The following HGD variants were observed in gnomAD, a reference collection of about 807,000 sequenced individuals.
The protein encoded by HGD is homogentisate 1,2-dioxygenase.
In HGD, 61 loss-of-function variants were observed where a neutral mutation model predicts 60.8. The ratio of observed to expected loss-of-function variants is 1.00; its 90% confidence interval spans 0.82 to 1.24. The LOEUF is 1.24. Among genes scored for constraint, HGD ranks in the 50% most tolerant of loss-of-function variants. The pLI is 0.00. For missense variants in HGD, 542 were observed against 547.1 expected (o/e 0.99, Z 0.09); for synonymous variants, 212 against 187.7 (o/e 1.13, Z -1.06).
intron 12 of HGD, among the ~76,000 whole-genome samples, chr3:120,635,370 A>G (rs988597389): frequency 1.3e-5 from 2 of 150,760 alleles, no homozygotes; most frequent in Non-Finnish European, 3.0e-5. Context: ...CCAGCTACTC[A>G]GGAGGCTGAG....
intron 4 of HGD, among the ~76,000 whole-genome samples, chr3:120,659,411 C>A (rs1941593466): frequency 6.6e-6 from 1 of 152,166 alleles, no homozygotes; most frequent in Non-Finnish European, 1.5e-5. Context: ...GTTCAGAGTT[C>A]CACAGATCCC....
intron 12 of HGD, among the ~76,000 whole-genome samples, chr3:120,635,182 T>G (rs973284401): frequency 1.3e-5 from 2 of 152,088 alleles, no homozygotes; most frequent in African/African-American, 4.8e-5. Context: ...CCTTTCTGAT[T>G]AAAGCTGAAT....
At chr3:120,638,171 T>C (rs146070673) in intron 12 of HGD, among the ~76,000 whole-genome samples, 143 of 152,350 alleles carry the variant, frequency 9.4e-4, no homozygotes, top group African/African-American at 3.4e-3. Flanking sequence ...AGCACCATGC[T>C]GCTTGTACAG....
At chr3:120,678,391 G>A (rs867423285) in intron 1 of HGD, among the ~76,000 whole-genome samples, 3 of 152,178 alleles carry the variant, frequency 2.0e-5, no homozygotes, top group East Asian at 3.9e-4. Context: ...TTCAACTGCC[G>A]CATTGTTTCT....
intron 13 of HGD, among the ~76,000 whole-genome samples, chr3:120,631,464 C>T (rs1940589642): frequency 6.6e-6 from 1 of 151,442 alleles, no homozygotes; most frequent in Admixed American, 6.6e-5. Context: ...ATCTCATGTA[C>T]CCCATAAATA....
chr3:120,632,711 C>T (rs1576284065), intron 13 of HGD, among the ~76,000 whole-genome samples: 5 of 152,158 alleles, frequency 3.3e-5, no homozygotes, highest in Admixed American at 3.3e-4. Flanking sequence ...ATGCCCAGGG[C>T]TGCATAAGGA....
intron 4 of HGD, among the ~76,000 whole-genome samples, chr3:120,661,551 T>A (rs183567081): frequency 2.0e-5 from 3 of 152,258 alleles, no homozygotes; most frequent in Admixed American, 2.0e-4. Context: ...GCAAATAACT[T>A]TGGAAGAGAA....
chr3:120,672,507 G>C (rs1314421804), intron 3 of HGD, among the ~76,000 whole-genome samples: 1 of 152,166 alleles, frequency 6.6e-6, no homozygotes, highest in Non-Finnish European at 1.5e-5. Flanking sequence ...TCAGTGAGTT[G>C]AGTTGGCCTG....
Position 120,663,253 on chromosome 3 carries a change from C to T in HGD, c.282+7174G>A, listed in dbSNP as rs185277263. Reference sequence around the variant, plus strand: ...GGAAGAGAGAGAGTAAGTACTTCCCCTTCTCTCAGAGGGGAGATGATGACA... The same window carrying T: ...GGAAGAGAGAGAGTAAGTACTTCCCTTTCTCTCAGAGGGGAGATGATGACA... On this transcript the variant is annotated intron_variant, in intron 4 of 13. Transcript: ENST00000283871. 4.7e-4 allele frequency among the ~76,000 whole-genome samples: 72 copies of T among 152,208 alleles called. No homozygotes were observed. In the East Asian group the frequency reaches 0.013, roughly 29 times the overall value.
chr3:120,670,206 T>C, intron 4 of HGD: 1 of 577,312 alleles, frequency 1.7e-6, no homozygotes, highest in South Asian at 2.1e-5. Flanking sequence ...TAAAAATATG[T>C]CCTTTATAAA....
chr3:120,645,062 C>T (rs1941118081), intron 9 of HGD, among the ~76,000 whole-genome samples: 1 of 152,172 alleles, frequency 6.6e-6, no homozygotes, highest in Admixed American at 6.5e-5. Context: ...AACTTAAGTG[C>T]AAAAACAGTT....
chr3:120,653,353 T>C (rs1031734776), intron 4 of HGD, among the ~76,000 whole-genome samples: 6 of 152,196 alleles, frequency 3.9e-5, no homozygotes, highest in Admixed American at 3.3e-4. Flanking sequence ...ATTAATCAAC[T>C]TGGCAGCAGG....
intron 13 of HGD, 53 bp downstream of exon 13, chr3:120,633,094 A>T: frequency 6.5e-7 from 1 of 1,530,188 alleles, no homozygotes; most frequent in Admixed American, 1.7e-5. Context: ...CACCCCTCTC[A>T]GTAAGGGTGG....
intron 12 of HGD, among the ~76,000 whole-genome samples, chr3:120,637,991 T>A (rs991441316): frequency 1.3e-5 from 2 of 152,198 alleles, no homozygotes; most frequent in Non-Finnish European, 2.9e-5. Context: ...GGTGCCATCA[T>A]GACGGTTATG....
At chr3:120,681,518 C>T (rs777960915) in intron 1 of HGD, among the ~76,000 whole-genome samples, 25 of 152,154 alleles carry the variant, frequency 1.6e-4, no homozygotes, top group Non-Finnish European at 2.8e-4. Context: ...GAAACAAGAA[C>T]CTCTCTCTAT....
At chr3:120,655,333 C>T (rs1941461989) in intron 4 of HGD, among the ~76,000 whole-genome samples, 1 of 152,194 alleles carries the variant, frequency 6.6e-6, no homozygotes, top group African/African-American at 2.4e-5. Flanking sequence ...GTGAAGAGAA[C>T]ATACCTTCAA....
At chr3:120,634,720 T>A (rs373430586) in intron 12 of HGD, among the ~76,000 whole-genome samples, 2 of 152,194 alleles carry the variant, frequency 1.3e-5, no homozygotes, top group African/African-American at 4.8e-5. Flanking sequence ...CTGGACATGA[T>A]ACATGCCTGC....
intron 4 of HGD, among the ~76,000 whole-genome samples, chr3:120,661,753 C>T (rs1707773138): frequency 6.6e-6 from 1 of 152,170 alleles, no homozygotes; most frequent in Non-Finnish European, 1.5e-5. Flanking sequence ...TCCAAAAGGG[C>T]TGAGCAGGGG....
intron 9 of HGD, chr3:120,644,647 A>C (rs750365359): frequency 6.6e-7 from 1 of 1,519,834 alleles, no homozygotes; most frequent in South Asian, 1.2e-5. Flanking sequence ...CACAAAAACC[A>C]GCATTACTTT....
Sources: gnomAD v4.1 joint callset for allele counts (sites outside exome capture counted in the v4.1 genomes callset) on GRCh38, gnomAD v4.1.1 for gene constraint, MANE v1.5 for transcripts, NCBI Gene and HGNC (gene_info 2026-07-23, HGNC 2026-07-21) for gene names.